The following PCSK2 variants were observed in gnomAD, a reference collection of about 807,000 sequenced individuals.
PCSK2 encodes neuroendocrine convertase 2.
Under a neutral mutation model 69.7 loss-of-function variants are expected in PCSK2, and 14 were observed. The observed-to-expected ratio is 0.20, with a 90% CI of 0.13 to 0.31. PCSK2 has a LOEUF of 0.31. PCSK2 is among the 10% of genes least tolerant of loss of function. PCSK2 has a pLI of 1.00. For missense variants in PCSK2, 544 were observed against 842.5 expected (o/e 0.65, Z 4.39); for synonymous variants, 307 against 320.7 (o/e 0.96, Z 0.46).
intron 2 of PCSK2, among the ~76,000 whole-genome samples, chr20:17,288,309 G>A (rs1032858857): frequency 6.6e-6 from 1 of 152,188 alleles, no homozygotes; most frequent in African/African-American, 2.4e-5. Context: ...TTTCAAGAAG[G>A]GGAGAGGCCA....
At chr20:17,361,819 G>A (rs1057465012) in intron 4 of PCSK2, among the ~76,000 whole-genome samples, 13 of 152,316 alleles carry the variant, frequency 8.5e-5, no homozygotes, top group African/African-American at 3.1e-4. Flanking sequence ...CAAGAAGAAA[G>A]GAGCCCTGCA....
intron 11 of PCSK2, among the ~76,000 whole-genome samples, chr20:17,474,546 C>T (rs1157710763): frequency 6.6e-6 from 1 of 152,216 alleles, no homozygotes; most frequent in East Asian, 1.9e-4. Flanking sequence ...AATCGGTGGC[C>T]TGTGTTCTAG....
Position 17,245,399 on chromosome 20 carries a change from T to G in PCSK2, c.178-14841T>G, listed in dbSNP as rs73255406. ...CCAAATGCAGCATTCTTGTGGGTTA[T>G]TCTAGCTTTTTAAAGGGATATCTTG... On this transcript the variant is annotated intron_variant, in intron 1 of 11. Transcript: ENST00000262545. Among the ~76,000 whole-genome samples the G allele has an allele frequency of 3.2e-3, 491 of 152,350 alleles. 5 individuals are homozygous for G. The highest frequency in any genetic ancestry group is 0.011 in the African/African-American group (455 of 41,584).
intron 11 of PCSK2, among the ~76,000 whole-genome samples, chr20:17,473,380 C>T (rs192814413): frequency 1.8e-4 from 27 of 152,242 alleles, no homozygotes; most frequent in African/African-American, 6.3e-4. Flanking sequence ...CGTGAGCCTC[C>T]GCGCCTGACC....
At chr20:17,303,773 C>T (rs1037058509) in intron 2 of PCSK2, among the ~76,000 whole-genome samples, 3 of 147,110 alleles carry the variant, frequency 2.0e-5, no homozygotes, top group African/African-American at 2.5e-5. Context: ...GGGGAGTTTT[C>T]GCCATGTTGT....
At chr20:17,364,413 T>A (rs2030516327) in intron 4 of PCSK2, among the ~76,000 whole-genome samples, 1 of 152,164 alleles carries the variant, frequency 6.6e-6, no homozygotes, top group Middle Eastern at 3.2e-3. Flanking sequence ...GGGTAATTTA[T>A]AAAGAAAAAG....
intron 5 of PCSK2, among the ~76,000 whole-genome samples, chr20:17,393,597 C>T (rs879614402): frequency 1.5e-4 from 23 of 151,668 alleles, no homozygotes; most frequent in Non-Finnish European, 2.9e-4. Flanking sequence ...CTATTAAGCA[C>T]AGTTGAGTTA....
rs549870581 is a variant in PCSK2, at chr20:17,252,589, G to A, written c.178-7651G>A. 5.3e-5 allele frequency among the ~76,000 whole-genome samples: 8 copies of A among 152,312 alleles called. No homozygotes were observed. In the East Asian group the frequency reaches 9.7e-4, roughly 18 times the overall value. ...TAACTAACTTGCCAAAGGTCATAGC[G>A]CTGTTACGAGGAAGAGCGAGAATTT... is the stretch of plus-strand genomic sequence containing the variant. On this transcript the variant is annotated intron_variant, in intron 1 of 11. Transcript: ENST00000262545.
At chr20:17,475,960 C>T (rs1343797933) in intron 11 of PCSK2, among the ~76,000 whole-genome samples, 2 of 152,190 alleles carry the variant, frequency 1.3e-5, no homozygotes, top group Admixed American at 6.5e-5. Context: ...TTCCTGTTAT[C>T]ATTCTCTGCT....
At chr20:17,414,369 C>T (rs1252664642) in intron 6 of PCSK2, among the ~76,000 whole-genome samples, 1 of 152,188 alleles carries the variant, frequency 6.6e-6, no homozygotes, top group Non-Finnish European at 1.5e-5. Flanking sequence ...ACCGATCCCA[C>T]AGAAATACAA....
At chr20:17,447,093 TA>T (rs3831875) in intron 8 of PCSK2, among the ~76,000 whole-genome samples, 54,650 of 140,422 alleles carry the variant, frequency 0.39, 10,235 homozygotes, top group South Asian at 0.58. Context: ...TCATCTCTAC[TA>T]AAAAAAATAA....
chr20:17,314,506 A>G (rs1989618154), intron 2 of PCSK2, among the ~76,000 whole-genome samples: 1 of 152,222 alleles, frequency 6.6e-6, no homozygotes, highest in Admixed American at 6.5e-5. Flanking sequence ...TGCTCTGAAT[A>G]GCTTACAGTT....
intron 1 of PCSK2, among the ~76,000 whole-genome samples, chr20:17,233,799 C>G (rs746673420): frequency 6.6e-6 from 1 of 152,124 alleles, no homozygotes; most frequent in Non-Finnish European, 1.5e-5. Context: ...CCCAGCCTGC[C>G]TTGTAAATAA....
intron 5 of PCSK2, among the ~76,000 whole-genome samples, chr20:17,375,119 C>T (rs1015554005): frequency 4.6e-5 from 7 of 152,178 alleles, no homozygotes; most frequent in African/African-American, 1.7e-4. Flanking sequence ...AGGCCTGGCA[C>T]ATAATAGATG....
intron 11 of PCSK2, among the ~76,000 whole-genome samples, chr20:17,477,009 G>T (rs192265866): frequency 1.3e-5 from 2 of 152,176 alleles, no homozygotes; most frequent in South Asian, 4.1e-4. Context: ...GGGTGGGAGA[G>T]GGGAATACAG....
At chr20:17,303,493 T>TTAATA (rs1989199548) in intron 2 of PCSK2, among the ~76,000 whole-genome samples, 1 of 47,574 alleles carries the variant, frequency 2.1e-5, no homozygotes, top group Non-Finnish European at 4.3e-5. Flanking sequence ...TATATTATAT[T>TTAATA]TAATATAATA....
chr20:17,449,170 A>T (rs1369533921), intron 8 of PCSK2, among the ~76,000 whole-genome samples: 1 of 152,190 alleles, frequency 6.6e-6, no homozygotes, highest in African/African-American at 2.4e-5. Flanking sequence ...GGCATGAGCC[A>T]TCAGGCTGGC....
At chr20:17,311,001 C>CAA (rs113825389) in intron 2 of PCSK2, among the ~76,000 whole-genome samples, 20,282 of 112,226 alleles carry the variant, frequency 0.18, 1,960 homozygotes, top group Non-Finnish European at 0.22. Flanking sequence ...GACTCCGTCT[C>CAA]AAAAAAAAAA....
chr20:17,468,852 T>A (rs1457366566), intron 11 of PCSK2, among the ~76,000 whole-genome samples: 1 of 152,250 alleles, frequency 6.6e-6, no homozygotes, highest in Admixed American at 6.5e-5. Flanking sequence ...TGGACAAGCA[T>A]CTTCCCATGA....
Sources: allele counts gnomAD v4.1 joint callset (sites outside exome capture counted in the v4.1 genomes callset), GRCh38; gene constraint gnomAD v4.1.1; transcripts MANE v1.5; gene names NCBI Gene and HGNC (gene_info 2026-07-23, HGNC 2026-07-21).